Variants in AADAC observed in about 807,000 individuals in gnomAD.
AADAC encodes arylacetamide deacetylase (esterase).
AADAC carries 17 observed loss-of-function variants against 22.7 expected under a neutral mutation model. The ratio of observed to expected loss-of-function variants is 0.75; its 90% CI spans 0.51 to 1.12. AADAC has a LOEUF of 1.12. Among genes scored for constraint, AADAC ranks in the 50% most tolerant of loss-of-function variants. AADAC has a pLI of 0.00. For missense variants in AADAC, 465 were observed against 473.9 expected, an observed-to-expected ratio of 0.98 and a Z score of 0.17; for synonymous variants, 167 against 176.3, an observed-to-expected ratio of 0.95 and a Z score of 0.42.
At chr3:151,819,118 T>G (rs74473943) in intron 2 of AADAC, among the ~76,000 whole-genome samples, 1 of 151,130 alleles carries the variant, frequency 6.6e-6, no homozygotes, top group Non-Finnish European at 1.5e-5. Context: ...ATTAAAAAAA[T>G]AGATCTGAAT....
Position 151,820,395 on chromosome 3 carries a change from A to C in AADAC, c.374A>C (p.Tyr125Ser). The stretch of plus-strand genomic sequence containing the variant: ...CCTTTTATTTCAGCTCTAAGTGGTT[A>C]TGACTTGCTGTCAAGATGGACAGCA... The part of the protein sequence containing the change: ...WCVGSAALSG[Y>S]DLLSRWTADR... Residue 125 changes from tyrosine to serine, a missense_variant, in exon 3 of 5, where the codon TAT (tyrosine) becomes TCT (serine). Physicochemically the swap from Tyr to Ser is moderately radical, Grantham distance 144. Coordinates refer to ENST00000232892, the MANE Select transcript of AADAC (RefSeq NM_001086.3). 1 of 1,583,060 alleles carries C rather than the reference A, an allele frequency of 6.3e-7. No individual in the cohort carries two copies. The highest frequency in any genetic ancestry group is 8.6e-7 in the Non-Finnish European group (1 of 1,162,026).
At position 151,817,395 on chromosome 3, in the gene AADAC, C is replaced by T. The variant is rs767364751; in HGVS notation, c.168C>T (p.His56=). The T allele has an allele frequency of 1.2e-6, 2 of 1,613,548 alleles. No individual in the cohort carries two copies. The highest frequency in any genetic ancestry group is 3.3e-5 in the Admixed American group (2 of 59,972). ...LATFVELLGL[H]HFMDSFKVVG... Reference sequence around the variant, plus strand: ...CATTTGTGGAGCTCCTGGGACTTCACCATTTTATGGATTCCTTTAAGGTTG... The same window carrying T: ...CATTTGTGGAGCTCCTGGGACTTCATCATTTTATGGATTCCTTTAAGGTTG... Residue 56 remains histidine (H), a synonymous_variant, in exon 2 of 5, where the codon CAC becomes CAT. Coordinates refer to ENST00000232892, the MANE Select transcript of AADAC (RefSeq NM_001086.3).
At chr3:151,820,669 C>G (rs1020394612) in intron 3 of AADAC, among the ~76,000 whole-genome samples, 2 of 134,456 alleles carry the variant, frequency 1.5e-5, no homozygotes, top group African/African-American at 5.5e-5. Flanking sequence ...AGGCACGAGT[C>G]ACCACACCCG....
intron 3 of AADAC, among the ~76,000 whole-genome samples, chr3:151,821,400 C>T (rs2037366): frequency 0.6 from 90,910 of 151,562 alleles, 27,749 homozygotes; most frequent in Non-Finnish European, 0.64. Context: ...TTAGGGACAG[C>T]AAAATTAGGG....
rs1716042355 is a variant in AADAC, at chr3:151,817,498, G to C, written c.271G>C (p.Val91Leu). 6.2e-7 allele frequency: 1 copy of C among 1,613,786 alleles called. No homozygotes were observed. The highest frequency in any genetic ancestry group is 1.3e-5 in the African/African-American group (1 of 75,034). The stretch of plus-strand genomic sequence containing the variant: ...TGAGACAAAATTCAACAACATTCTT[G>C]TTCGGGTATATGTGCCAAAGAGAAA... ...VTETKFNNILVRVYVPKRKSE... is the reference protein window; with the variant it reads ...VTETKFNNILLRVYVPKRKSE... Residue 91 changes from valine (V) to leucine (L), a missense_variant, in exon 2 of 5, where the codon GTT (valine) becomes CTT (leucine). Physicochemically the swap from Val to Leu is conservative, Grantham distance 32 (BLOSUM62 1). Coordinates refer to ENST00000232892, the MANE Select transcript of AADAC (RefSeq NM_001086.3).
intron 3 of AADAC, among the ~76,000 whole-genome samples, chr3:151,823,171 G>A (rs979756442): frequency 2.0e-5 from 3 of 151,724 alleles, no homozygotes; most frequent in African/African-American, 4.8e-5. Flanking sequence ...CCAGCTACGC[G>A]GGAGGCTGAG....
chr3:151,816,152 G>A (rs952717869), intron 1 of AADAC, among the ~76,000 whole-genome samples: 5 of 152,046 alleles, frequency 3.3e-5, no homozygotes, highest in African/African-American at 1.2e-4. Flanking sequence ...GAAAGGATGG[G>A]CTGCAGGCAG....
rs138348078 is a variant in AADAC, at chr3:151,819,672, T to C, written c.362-711T>C. On this transcript the variant is annotated intron_variant, in intron 2 of 4. Coordinates refer to ENST00000232892, the MANE Select transcript of AADAC (RefSeq NM_001086.3). ...GTAATGGGCTGGGAGTGTTGACTGA[T>C]AGATACACATCCCAGAGGAAATGAA... Among the ~76,000 whole-genome samples, 526 of 151,956 alleles carry C rather than the reference T, an allele frequency of 3.5e-3. 2 individuals carry two copies. Among genetic ancestry groups the C allele is most frequent in the African/African-American group, 0.012 (508 of 41,472 alleles).
chr3:151,824,726 G>A lies in AADAC; in HGVS notation c.495G>A (p.Arg165=), dbSNP rs1434185052. The A allele has an allele frequency of 6.2e-7, 1 of 1,607,910 alleles. No homozygotes were observed. The highest frequency in any genetic ancestry group is 1.1e-5 in the South Asian group (1 of 89,920). ...TTGAAGATGTATATAATGCCTTAAG[G>A]TGGTTCTTACGTAAAAAAGTTCTTG... The part of the protein sequence containing the change: ...IQFEDVYNAL[R]WFLRKKVLAK... Residue 165 remains arginine, a synonymous_variant, in exon 4 of 5, where the codon AGG becomes AGA. Coordinates refer to ENST00000232892, the MANE Select transcript of AADAC (RefSeq NM_001086.3).
At position 151,827,743 on chromosome 3, in the gene AADAC, T is replaced by A; in HGVS notation, c.771T>A (p.Asp257Glu). The change falls in exon 5 of 5, where the codon GAT becomes GAA. Residue 257 changes from aspartate (D) to glutamate (E), a missense_variant. Asp to Glu is a conservative substitution (Grantham distance 45). Coordinates refer to ENST00000232892, the MANE Select transcript of AADAC (RefSeq NM_001086.3). The stretch of plus-strand genomic sequence containing the variant: ...TCTGGAGTGAATATTTTACCACTGA[T>A]AGATCACTTGAAAAAGCCATGCTTT... ...VRFWSEYFTT[D>E]RSLEKAMLSR... 1 of 1,613,266 alleles carries A rather than the reference T, an allele frequency of 6.2e-7. No individual in the cohort carries two copies. Among genetic ancestry groups the A allele is most frequent in the Non-Finnish European group, 8.5e-7 (1 of 1,179,508 alleles).
In AADAC at chr3:151,824,681, G is replaced by A. The variant is rs551253200; in HGVS notation, c.450G>A (p.Lys150=). 5.7e-6 allele frequency: 9 copies of A among 1,580,084 alleles called. No individual in the cohort carries two copies. In the African/African-American group the frequency reaches 8.2e-5, roughly 14 times the overall value. The change falls in exon 4 of 5, where the codon AAG becomes AAA. Residue 150 remains lysine (K), a synonymous_variant. Transcript: ENST00000232892. ...VVSTNYRLAP[K]YHFPIQFEDV... The stretch of plus-strand genomic sequence containing the variant: ...TCTACAGCTACAGATTAGCACCTAA[G>A]TATCATTTCCCAATTCAATTTGAAG...
intron 1 of AADAC, 83 bp from the exon 2 acceptor site, chr3:151,817,283 G>A (rs1450459327): frequency 8.5e-7 from 1 of 1,177,950 alleles, no homozygotes; most frequent in Non-Finnish European, 1.2e-6. Flanking sequence ...AGTTTATTAA[G>A]GGTTAATGTC....
chr3:151,819,267 C>T (rs1379999448), intron 2 of AADAC, among the ~76,000 whole-genome samples: 2 of 151,650 alleles, frequency 1.3e-5, no homozygotes, highest in East Asian at 1.9e-4. Context: ...AAAAGAAAGC[C>T]GAAGAAGGTG....
chr3:151,825,305 A>T (rs2108034838), intron 4 of AADAC, among the ~76,000 whole-genome samples: 1 of 152,048 alleles, frequency 6.6e-6, no homozygotes, highest in East Asian at 1.9e-4. Flanking sequence ...AGGCAGAAGG[A>T]TCTCTTAAGC....
chr3:151,827,426 G>A (rs1716543629), intron 4 of AADAC, 150 bp from the exon 5 acceptor site: 1 of 505,572 alleles, frequency 2.0e-6, no homozygotes, highest in Non-Finnish European at 3.4e-6. Flanking sequence ...GTTTGCTGTG[G>A]TGGTATGTTT....
rs1408301364 is a variant in AADAC, at chr3:151,827,953, CA to C, written c.984del (p.Lys328AsnfsTer7). ...CAGCCCCTTTGTTGGCTGATGACAACAAATTACGTGGCTTACCCCTGACCTA... is the reference window on the plus strand; with the variant it reads ...CAGCCCCTTTGTTGGCTGATGACAACAATTACGTGGCTTACCCCTGACCTA... ...RAAPLLADDN[K>X]LRGLPLTYVI... is the part of the protein sequence containing the mutation. On this transcript the variant is annotated frameshift_variant, in exon 5 of 5. Transcript: ENST00000232892. LOFTEE classifies it low-confidence loss of function (END_TRUNC). 1 of 1,611,028 alleles carries C rather than the reference CA, an allele frequency of 6.2e-7. No individual in the cohort carries two copies.
In AADAC at chr3:151,814,316, T is replaced by C. The variant is rs772560693; in HGVS notation, c.138+16T>C. 1.9e-5 allele frequency: 31 copies of C among 1,607,154 alleles called. No individual in the cohort carries two copies. Among genetic ancestry groups the C allele is most frequent in the Non-Finnish European group, 2.6e-5 (31 of 1,176,568 alleles). ...ACAAAATTTGGTAAGTTTGGAATTT[T>C]ATGAATTCAGATGTGCATACACCAC... On this transcript the variant is annotated intron_variant, in intron 1 of 4. Coordinates refer to ENST00000232892, the MANE Select transcript of AADAC (RefSeq NM_001086.3).
chr3:151,820,010 C>T (rs570775025), intron 2 of AADAC, among the ~76,000 whole-genome samples: 3 of 152,118 alleles, frequency 2.0e-5, no homozygotes, highest in Non-Finnish European at 4.4e-5. Flanking sequence ...ACGTATTGAT[C>T]AAGTTAGCGA....
At position 151,814,151 on chromosome 3, in the gene AADAC, G is replaced by A. The variant is rs752402935; in HGVS notation, c.-12G>A. 17 of 1,613,032 alleles carry A rather than the reference G, an allele frequency of 1.1e-5. No homozygotes were observed. The highest frequency in any genetic ancestry group is 9.4e-5 in the African/African-American group (7 of 74,866). On this transcript the variant is annotated 5_prime_UTR_variant, in exon 1 of 5. Transcript: ENST00000232892. ...TCTGTGTTTCTAGAGACCAAGAAGC[G>A]GGACGTTCACCATGGGAAGAAAATC... is the stretch of plus-strand genomic sequence containing the variant.
Sources: allele counts gnomAD v4.1 joint callset (sites outside exome capture counted in the v4.1 genomes callset), GRCh38; gene constraint gnomAD v4.1.1; transcripts MANE v1.5; gene names NCBI Gene and HGNC (gene_info 2026-07-23, HGNC 2026-07-21).